Variants in TET3 observed in about 807,000 individuals in gnomAD.
The protein encoded by TET3 is methylcytosine dioxygenase TET3.
A neutral mutation model predicts 141.4 loss-of-function variants in TET3; 19 were observed. The ratio of observed to expected loss-of-function variants is 0.13; its 90% CI spans 0.09 to 0.20. TET3 has a LOEUF of 0.20. TET3 is among the 10% of genes least tolerant of loss of function. The pLI is 1.00. For synonymous variants in TET3, 1,043 were observed against 980.9 expected (o/e 1.06, Z -1.18); for missense variants, 1,874 against 2,356.9 (o/e 0.80, Z 4.24).
chr2:74,135,396 C>T, the TET3 span: 1 of 886,706 alleles, frequency 1.1e-6, no homozygotes, highest in East Asian at 2.6e-5. Flanking sequence ...TGAAACATTA[C>T]TAATGACCCT....
intron 2 of TET3, 76 bp from the exon 3 acceptor site, chr2:74,003,034 G>A: frequency 6.7e-7 from 1 of 1,499,914 alleles, no homozygotes; most frequent in Non-Finnish European, 9.1e-7. Flanking sequence ...CGGCCGGGCT[G>A]GGGGCTGTAG....
At chr2:74,010,608 G>T (rs1011473101) in intron 3 of TET3, among the ~76,000 whole-genome samples, 1 of 152,180 alleles carries the variant, frequency 6.6e-6, no homozygotes, top group African/African-American at 2.4e-5. Context: ...TGCTGTTATT[G>T]GTCTCCAGTG....
At chr2:74,115,340 G>T in the TET3 span, among the ~76,000 whole-genome samples, 55 of 152,174 alleles carry the variant, frequency 3.6e-4, no homozygotes, top group Non-Finnish European at 7.1e-4. Flanking sequence ...AATACCACAT[G>T]TTCTCACTTA....
At chr2:74,075,888 C>T (rs543565400) in intron 5 of TET3, among the ~76,000 whole-genome samples, 1 of 152,262 alleles carries the variant, frequency 6.6e-6, no homozygotes, top group South Asian at 2.1e-4. Context: ...CCTGCATGTG[C>T]TCACATGCCT....
intron 2 of TET3, among the ~76,000 whole-genome samples, chr2:73,988,999 G>T (rs12328549): frequency 0.11 from 11,523 of 106,422 alleles, 1,308 homozygotes; most frequent in African/African-American, 0.31. Context: ...AGTTTTTTTT[G>T]TTTTTTTTTT....
intron 3 of TET3, among the ~76,000 whole-genome samples, chr2:74,019,423 G>A (rs10184542): frequency 0.066 from 10,110 of 152,248 alleles, 692 homozygotes; most frequent in African/African-American, 0.17. Context: ...TATTAGAAAT[G>A]CAGCTGCTCT....
At chr2:74,032,447 G>C (rs963409170) in intron 3 of TET3, among the ~76,000 whole-genome samples, 1 of 65,502 alleles carries the variant, frequency 1.5e-5, no homozygotes, top group Non-Finnish European at 2.9e-5. Flanking sequence ...AGAGGGGTGT[G>C]TCTCTGTGTG....
chr2:74,113,242 C>T, the TET3 span, among the ~76,000 whole-genome samples: 6 of 151,316 alleles, frequency 4.0e-5, no homozygotes, highest in African/African-American at 1.2e-4. Context: ...AAAAATTAGC[C>T]GGGCATGGTG....
At position 74,101,982 on chromosome 2, in the gene TET3, C is replaced by T. The variant is rs369516659; in HGVS notation, c.5194C>T (p.Leu1732=). The T allele has an allele frequency of 1.3e-5, 21 of 1,604,980 alleles. No homozygotes were observed. In the African/African-American group the frequency reaches 2.1e-4, roughly 16 times the overall value. ...GCAGGAGGAGGCTGCCCGGCTGGGC[C>T]TGGGCCAGCAGGAGGCCAAGCTCTA... ...ARQEEAARLG[L]GQQEAKLYGK... is the part of the protein sequence containing the mutation. The change falls in exon 12 of 12, where the codon CTG becomes TTG. Residue 1732 remains leucine, a synonymous_variant. Coordinates refer to ENST00000409262, the MANE Select transcript of TET3 (RefSeq NM_001287491.2). This position sits in a 1 kb window ranked among gnomAD's most constrained non-coding sequence, Gnocchi z 8.5.
Position 74,048,248 on chromosome 2 carries a change from G to A in TET3, c.2331G>A (p.Glu777=), listed in dbSNP as rs771249735. The change falls in exon 4 of 12, where the codon GAG becomes GAA. Residue 777 remains glutamate (E), a synonymous_variant. Coordinates refer to ENST00000409262, the MANE Select transcript of TET3 (RefSeq NM_001287491.2). ...CAACCACCTGCTTCCATTCAGAGGAGGGAGGACAGGAGGCCACACCCACCA... is the reference window on the plus strand; with the variant it reads ...CAACCACCTGCTTCCATTCAGAGGAAGGAGGACAGGAGGCCACACCCACCA... ...VLSTTCFHSE[E]GGQEATPTKA... 2 of 1,613,790 alleles carry A rather than the reference G, an allele frequency of 1.2e-6. No individual in the cohort carries two copies. Among genetic ancestry groups the A allele is most frequent in the Admixed American group, 3.3e-5 (2 of 59,978 alleles).
In TET3 at chr2:74,094,062, C is replaced by T. The variant is rs1002089603; in HGVS notation, c.3267+396C>T. Among the ~76,000 whole-genome samples the T allele has an allele frequency of 2.0e-5, 3 of 152,262 alleles. No homozygotes were observed. The Middle Eastern group carries it at 0.01, about 518-fold the overall frequency. ...TGCCCAGGCACTGCTCTGCATGCTG[C>T]GGGATGAAACGGACAAAGTTCCTGC... On this transcript the variant is annotated intron_variant, in intron 10 of 11. Transcript: ENST00000409262.
Position 73,986,673 on chromosome 2 carries a change from G to A in TET3, c.270G>A (p.Glu90=). 1.6e-6 allele frequency: 2 copies of A among 1,232,052 alleles called. No individual in the cohort carries two copies. The highest frequency in any genetic ancestry group is 2.0e-6 in the Non-Finnish European group (2 of 987,972). 76.3% of individuals were successfully genotyped at this position (1,232,052 alleles called of 1,614,324 possible). ...AGATCTGCAAACTGCGAAAATGTGA[G>A]GTGCTGAAGAAAAAAGTAGGGCTTC... ...THQICKLRKC[E]VLKKKVGLLK... Residue 90 remains glutamate, a synonymous_variant, in exon 2 of 12, where the codon GAG becomes GAA. Transcript: ENST00000409262.
downstream of TET3, among the ~76,000 whole-genome samples, chr2:74,111,085 C>G (rs1275070269): frequency 6.6e-6 from 1 of 152,146 alleles, no homozygotes; most frequent in African/African-American, 2.4e-5. Flanking sequence ...TCTGTGAAGC[C>G]CTGGAAACCC....
chr2:74,110,997 A>G (rs1434063009), downstream of TET3, among the ~76,000 whole-genome samples: 1 of 152,148 alleles, frequency 6.6e-6, no homozygotes, highest in Non-Finnish European at 1.5e-5. Context: ...TTGAAGGTCC[A>G]TACCACTCAC....
intron 3 of TET3, among the ~76,000 whole-genome samples, chr2:74,035,771 G>A (rs1339350902): frequency 6.7e-6 from 1 of 149,944 alleles, no homozygotes. Context: ...CAACACTTTG[G>A]GAGGCCGAGG....
At chr2:74,073,845 C>G (rs1689349318) in intron 5 of TET3, 1 of 455,944 alleles carries the variant, frequency 2.2e-6, no homozygotes, top group South Asian at 3.4e-5. Flanking sequence ...CAATTCATGT[C>G]CCCCTGCTTC....
intron 2 of TET3, 166 bp from the exon 3 acceptor site, chr2:74,002,944 G>T (rs1684941756): frequency 1.5e-6 from 1 of 661,838 alleles, no homozygotes; most frequent in Non-Finnish European, 2.7e-6. Context: ...TGATCCAGGC[G>T]GCAGCTGGAG....
chr2:74,090,229 G>A lies in TET3; in HGVS notation c.3039+182G>A, dbSNP rs375180243. On this transcript the variant is annotated intron_variant, in intron 8 of 11. Transcript: ENST00000409262. Reference sequence around the variant, plus strand: ...ATAAGGGGTGTGTGGAGGGCACCAAGTGTGAAAAATTAGACTTAGCAGTTA... The same window carrying A: ...ATAAGGGGTGTGTGGAGGGCACCAAATGTGAAAAATTAGACTTAGCAGTTA... Among the ~76,000 whole-genome samples the A allele has an allele frequency of 2.3e-4, 35 of 152,358 alleles. No homozygotes were observed. In the East Asian group the frequency reaches 6.2e-3, roughly 27 times the overall value.
intron 5 of TET3, among the ~76,000 whole-genome samples, chr2:74,079,178 CCT>C: frequency 6.6e-6 from 1 of 152,076 alleles, no homozygotes; most frequent in Non-Finnish European, 1.5e-5. Flanking sequence ...GAAACCCTGT[CCT>C]TACTAAAAAT....
Sources: gnomAD v4.1 joint callset for allele counts (sites outside exome capture counted in the v4.1 genomes callset) on GRCh38, gnomAD v4.1.1 for gene constraint, Gnocchi (gnomAD v3.1) non-coding constraint, MANE v1.5 for transcripts, NCBI Gene and HGNC (gene_info 2026-07-23, HGNC 2026-07-21) for gene names.